The following RBP2 variants were observed in gnomAD, a reference collection of about 807,000 sequenced individuals.
RBP2 encodes retinol binding protein 2.
In RBP2, 17 loss-of-function variants were observed where a neutral mutation model predicts 17.0. The ratio of observed to expected loss-of-function variants is 1.00; its 90% CI spans 0.68 to 1.50. The LOEUF (loss-of-function observed/expected upper bound fraction) is 1.50, where lower values mean the gene tolerates loss of function less well. Ranked by LOEUF, RBP2 falls within the 40% of genes most tolerant of loss-of-function variation. The pLI is 0.00. For missense variants in RBP2, 158 were observed against 168.2 expected (o/e 0.94, Z 0.33); for synonymous variants, 48 against 57.1 (o/e 0.84, Z 0.72).
intron 2 of RBP2, among the ~76,000 whole-genome samples, chr3:139,458,600 A>ATGTAC (rs942334681): frequency 6.6e-6 from 1 of 152,220 alleles, no homozygotes; most frequent in African/African-American, 2.4e-5. Flanking sequence ...AGGAACCCCT[A>ATGTAC]TGTACTAGCA....
chr3:139,460,493 G>C (rs1057104870), intron 2 of RBP2, among the ~76,000 whole-genome samples: 5 of 152,210 alleles, frequency 3.3e-5, no homozygotes, highest in African/African-American at 1.2e-4. Context: ...GAAATAAAGT[G>C]TGTCCAGCTC....
chr3:139,453,133 C>CCAG lies in RBP2; in HGVS notation c.387_388insCTG (p.Gln129_Val130insLeu). ...CGTCGCCATCATTTCTTTTTGAACACTTGACGGCACACCTGGTCACCACAG... is the reference window on the plus strand; with the variant it reads ...CGTCGCCATCATTTCTTTTTGAACACCAGTTGACGGCACACCTGGTCACCACAG... On this transcript the variant is annotated inframe_insertion, in exon 4 of 4. Coordinates refer to ENST00000232217, the MANE Select transcript of RBP2 (RefSeq NM_004164.3). 6.2e-7 allele frequency: 1 copy of CCAG among 1,614,168 alleles called. No homozygotes were observed. The highest frequency in any genetic ancestry group is 8.5e-7 in the Non-Finnish European group (1 of 1,180,032).
At chr3:139,466,109 A>G (rs563342977) in intron 1 of RBP2, among the ~76,000 whole-genome samples, 73 of 152,302 alleles carry the variant, frequency 4.8e-4, no homozygotes, top group Admixed American at 7.2e-4. Context: ...AACCAAGACA[A>G]GCTGGTTTCT....
At position 139,462,175 on chromosome 3, in the gene RBP2, C is replaced by T; in HGVS notation, c.189G>A (p.Val63=). The T allele has an allele frequency of 6.2e-7, 1 of 1,614,148 alleles. No individual in the cohort carries two copies. Among genetic ancestry groups the T allele is most frequent in the East Asian group, 2.2e-5 (1 of 44,874 alleles). Reference sequence around the variant, plus strand: ...CAAACTCTACTCCAACAGTGAAATCCACATCATAGTTGCGGAATGTGCTAG... The same window carrying T: ...CAAACTCTACTCCAACAGTGAAATCTACATCATAGTTGCGGAATGTGCTAG... ...KTTSTFRNYD[V]DFTVGVEFDE... is the part of the protein sequence containing the mutation. The change falls in exon 2 of 4, where the codon GTG becomes GTA. Residue 63 remains valine (V), a synonymous_variant. Transcript: ENST00000232217.
Position 139,453,246 on chromosome 3 carries a change from G to C in RBP2, c.355-80C>G, listed in dbSNP as rs377170839. 3.5e-5 allele frequency: 54 copies of C among 1,531,234 alleles called. No individual in the cohort carries two copies. In the African/African-American group the frequency reaches 4.1e-4, roughly 12 times the overall value. 94.9% of individuals were successfully genotyped at this position (1,531,234 alleles called of 1,614,324 possible). ...AGCCCTCAGCCCCCTTGGTATCTGG[G>C]GGTGGGAGGTTGGAATAAAGAGGAC... On this transcript the variant is annotated intron_variant, in intron 3 of 3. Coordinates refer to ENST00000232217, the MANE Select transcript of RBP2 (RefSeq NM_004164.3).
At chr3:139,466,400 T>C (rs1018435333) in intron 1 of RBP2, 5 of 152,222 alleles carry the variant, frequency 3.3e-5, no homozygotes, top group African/African-American at 1.2e-4. Flanking sequence ...TAGGACCAAG[T>C]GGTCAAGTAT....
chr3:139,461,986 C>T, intron 2 of RBP2, 126 bp downstream of exon 2: 1 of 967,880 alleles, frequency 1.0e-6, no homozygotes, highest in Non-Finnish European at 1.6e-6. Context: ...ATGATTAAGG[C>T]CATCCTGGTC....
chr3:139,473,347 A>C (rs1230491776), intron 1 of RBP2, among the ~76,000 whole-genome samples: 1 of 152,240 alleles, frequency 6.6e-6, no homozygotes, highest in East Asian at 1.9e-4. Flanking sequence ...GGAGTGGGTC[A>C]CTGGGCTAGT....
chr3:139,466,063 C>T (rs1458812945), intron 1 of RBP2, among the ~76,000 whole-genome samples: 1 of 152,096 alleles, frequency 6.6e-6, no homozygotes, highest in Non-Finnish European at 1.5e-5. Context: ...AAAAAATGGG[C>T]TCACGAGCAA....
Position 139,453,177 on chromosome 3 carries a change from A to C in RBP2, c.355-11T>G. Reference sequence around the variant, plus strand: ...ACCACAGGTCAGCTCCTGCAACGTCAGAAAGTGGGTGAGGGTCTAACAAGC... The same window carrying C: ...ACCACAGGTCAGCTCCTGCAACGTCCGAAAGTGGGTGAGGGTCTAACAAGC... On this transcript the variant is annotated splice_polypyrimidine_tract_variant and intron_variant, in intron 3 of 3. Coordinates refer to ENST00000232217, the MANE Select transcript of RBP2 (RefSeq NM_004164.3). 1.2e-6 allele frequency: 2 copies of C among 1,614,102 alleles called. No individual in the cohort carries two copies. Among genetic ancestry groups the C allele is most frequent in the Non-Finnish European group, 1.7e-6 (2 of 1,179,976 alleles).
chr3:139,453,837 A>G (rs1472489064), intron 3 of RBP2, among the ~76,000 whole-genome samples: 3 of 152,250 alleles, frequency 2.0e-5, no homozygotes, highest in Non-Finnish European at 4.4e-5. Flanking sequence ...TTGTATTACA[A>G]TTAGAAAAAT....
chr3:139,469,703 A>G (rs187551798), intron 1 of RBP2, among the ~76,000 whole-genome samples: 1 of 146,754 alleles, frequency 6.8e-6, no homozygotes, highest in Non-Finnish European at 1.5e-5. Flanking sequence ...CTATCTATCT[A>G]TCTATCTATC....
At position 139,476,371 on chromosome 3, in the gene RBP2, CCA is replaced by C; in HGVS notation, c.73+14_73+15del. ...CCAACAACAGCTACCCTCCCCATCCCCAGTCTCCTCCTTACCCAGGGCCTTCA... is the reference window on the plus strand; with the variant it reads ...CCAACAACAGCTACCCTCCCCATCCCGTCTCCTCCTTACCCAGGGCCTTCA... On this transcript the variant is annotated intron_variant, in intron 1 of 3. Transcript: ENST00000232217. 1.2e-6 allele frequency: 2 copies of C among 1,611,748 alleles called. No individual in the cohort carries two copies. Among genetic ancestry groups the C allele is most frequent in the South Asian group, 1.1e-5 (1 of 90,982 alleles).
intron 2 of RBP2, among the ~76,000 whole-genome samples, chr3:139,458,098 AG>A (rs1933040043): frequency 6.6e-6 from 1 of 152,232 alleles, no homozygotes; most frequent in African/African-American, 2.4e-5. Flanking sequence ...GACAAAGCAA[AG>A]GGGCAAAATG....
At chr3:139,472,500 T>A (rs1933600647) in intron 1 of RBP2, among the ~76,000 whole-genome samples, 1 of 152,148 alleles carries the variant, frequency 6.6e-6, no homozygotes, top group Admixed American at 6.5e-5. Flanking sequence ...GCAGCTTGTA[T>A]CTCTTCTCTT....
intron 3 of RBP2, 82 bp from the exon 4 acceptor site, chr3:139,453,248 G>GC: frequency 6.6e-7 from 1 of 1,515,520 alleles, no homozygotes; most frequent in Non-Finnish European, 9.1e-7. Context: ...GTATCTGGGG[G>GC]TGGGAGGTTG....
intron 2 of RBP2, among the ~76,000 whole-genome samples, chr3:139,460,933 C>G (rs1405226979): frequency 6.6e-6 from 1 of 152,140 alleles, no homozygotes; most frequent in Non-Finnish European, 1.5e-5. Context: ...AGACAGTGAA[C>G]AGTCAATTGC....
At position 139,454,774 on chromosome 3, in the gene RBP2, C is replaced by T. The variant is rs759493582; in HGVS notation, c.309G>A (p.Glu103=). ...CAATCCACTGCTTCCAGCCGCGGTT[C>T]TCCTTCTCCCCCTTTTGCACACACA... The part of the protein sequence containing the change: ...VLVCVQKGEK[E]NRGWKQWIEG... The change falls in exon 3 of 4, where the codon GAG becomes GAA. Residue 103 remains glutamate (E), a synonymous_variant. Transcript: ENST00000232217. The T allele has an allele frequency of 3.1e-6, 5 of 1,614,064 alleles. No individual in the cohort carries two copies. The African/African-American group carries it at 6.7e-5, about 22-fold the overall frequency.
intron 1 of RBP2, among the ~76,000 whole-genome samples, chr3:139,462,580 C>CACACACACACACAT (rs1235504753): frequency 2.5e-4 from 38 of 151,772 alleles, no homozygotes; most frequent in African/African-American, 8.7e-4. Context: ...CACACACACA[C>CACACACACACACAT]ACACACACAC....
Sources: allele counts gnomAD v4.1 joint callset (sites outside exome capture counted in the v4.1 genomes callset), GRCh38; gene constraint gnomAD v4.1.1; transcripts MANE v1.5; gene names NCBI Gene and HGNC (gene_info 2026-07-23, HGNC 2026-07-21).